OPCML: variants seen among roughly 807,000 people sequenced by gnomAD.
The protein encoded by OPCML is opioid binding protein/cell adhesion molecule like, also known as opioid-binding protein/cell adhesion molecule.
Under a neutral mutation model 37.8 loss-of-function variants are expected in OPCML, and 13 were observed. That is an observed-to-expected ratio of 0.34 (90% CI 0.22 to 0.55). The LOEUF is 0.55. OPCML is among the 20% of genes least tolerant of loss of function. The pLI, the probability that OPCML is intolerant of heterozygous loss-of-function variation, is 0.91. For missense variants in OPCML, 341 were observed against 435.6 expected, an observed-to-expected ratio of 0.78 and a Z score of 1.93; for synonymous variants, 176 against 168.8, an observed-to-expected ratio of 1.04 and a Z score of -0.33.
chr11:133,165,236 A>C (rs774173131), intron 1 of OPCML, among the ~76,000 whole-genome samples: 1 of 152,266 alleles, frequency 6.6e-6, no homozygotes, highest in East Asian at 1.9e-4. Flanking sequence ...CTCCAGTCGC[A>C]CTGGGACGAG....
At chr11:133,234,522 G>T (rs983456746) in intron 1 of OPCML, among the ~76,000 whole-genome samples, 7 of 152,250 alleles carry the variant, frequency 4.6e-5, no homozygotes, top group African/African-American at 1.7e-4. Flanking sequence ...GACTTTTCTT[G>T]GAAAGGCCTA....
At chr11:133,531,760 A>AGG (rs1555171047) in intron 1 of OPCML, among the ~76,000 whole-genome samples, 2 of 150,594 alleles carry the variant, frequency 1.3e-5, no homozygotes, top group Non-Finnish European at 3.0e-5. Flanking sequence ...AGAGAGAGAG[A>AGG]GAGAGAGAGA....
intron 4 of OPCML, among the ~76,000 whole-genome samples, chr11:132,441,900 C>G (rs947361494): frequency 2.0e-5 from 3 of 152,188 alleles, no homozygotes; most frequent in African/African-American, 7.2e-5. Flanking sequence ...TAGGGACACA[C>G]ATTCCAACAG....
chr11:133,090,357 C>T (rs1948887105), intron 1 of OPCML, among the ~76,000 whole-genome samples: 1 of 152,194 alleles, frequency 6.6e-6, no homozygotes, highest in African/African-American at 2.4e-5. Context: ...GGAAAAAACC[C>T]TAGATGGGTA....
At chr11:132,574,409 T>A (rs1374437799) in intron 3 of OPCML, among the ~76,000 whole-genome samples, 2 of 151,800 alleles carry the variant, frequency 1.3e-5, no homozygotes, top group East Asian at 1.9e-4. Context: ...TGAACTTTCC[T>A]CTTAGTATTA....
intron 1 of OPCML, among the ~76,000 whole-genome samples, chr11:133,473,612 C>T (rs185217537): frequency 1.3e-5 from 2 of 152,186 alleles, no homozygotes; most frequent in East Asian, 1.9e-4. Context: ...AGAGGGGAGC[C>T]GTCTTGAGAT....
chr11:132,907,928 C>A (rs938270079), intron 2 of OPCML, among the ~76,000 whole-genome samples: 4 of 151,978 alleles, frequency 2.6e-5, no homozygotes, highest in African/African-American at 9.7e-5. Context: ...ATCTGCTGAC[C>A]CATGGTAGGT....
intron 2 of OPCML, among the ~76,000 whole-genome samples, chr11:132,659,954 A>G (rs1941887111): frequency 6.6e-6 from 1 of 152,226 alleles, no homozygotes; most frequent in Non-Finnish European, 1.5e-5. Flanking sequence ...AAAAATATAC[A>G]GAGATTGAAA....
In OPCML at chr11:132,508,372, C is replaced by A. The variant is rs531166862; in HGVS notation, c.505+20689G>T. ...AAAGGATAGTATGAGTATGTCATGA[C>A]CACACCAGATTTATTCTTGGTTGCA... On this transcript the variant is annotated intron_variant, in intron 4 of 7. Coordinates refer to ENST00000524381, the MANE Select transcript of OPCML (RefSeq NM_001012393.5). Among the ~76,000 whole-genome samples, 37 of 152,210 alleles carry A rather than the reference C, an allele frequency of 2.4e-4. 1 individual carries two copies. The South Asian group carries it at 7.5e-3, about 31-fold the overall frequency.
At chr11:132,581,317 A>G (rs1479575261) in intron 3 of OPCML, among the ~76,000 whole-genome samples, 1 of 152,192 alleles carries the variant, frequency 6.6e-6, no homozygotes, top group East Asian at 1.9e-4. Flanking sequence ...CAAATCAACC[A>G]CATCCTGTCC....
rs79892660 is a variant in OPCML at position 133,006,297 on chromosome 11, C to T, written c.62-63287G>A. 1,718 of 518,866 alleles carry T rather than the reference C, an allele frequency of 3.3e-3. 38 individuals are homozygous for T. The African/African-American group carries it at 0.034, about 10-fold the overall frequency. The allele number at this position is 518,866 out of a possible 1,614,324, so 32.1% of individuals were successfully genotyped here. A position where few individuals can be genotyped will look rare whatever the true frequency, so the allele number is the denominator to read the frequency against. ...GACTCTGGCCTGGTGAGAGAGATTC[C>T]CTGTTTCCCTTTTTCTTCCTTTTCA... On this transcript the variant is annotated intron_variant, in intron 1 of 7. Coordinates refer to ENST00000524381, the MANE Select transcript of OPCML (RefSeq NM_001012393.5).
chr11:132,506,877 C>T (rs544978832), intron 4 of OPCML, among the ~76,000 whole-genome samples: 38 of 151,540 alleles, frequency 2.5e-4, no homozygotes, highest in Non-Finnish European at 1.8e-4. Flanking sequence ...AGTTTTAATA[C>T]CTGCAAGTGG....
chr11:133,034,892 G>A (rs1467751041), intron 1 of OPCML, among the ~76,000 whole-genome samples: 4 of 147,610 alleles, frequency 2.7e-5, no homozygotes, highest in African/African-American at 4.9e-5. Flanking sequence ...CTCTAATAGC[G>A]CTGGTTCGCA....
intron 4 of OPCML, among the ~76,000 whole-genome samples, chr11:132,521,654 G>T (rs1039622760): frequency 6.6e-6 from 1 of 152,068 alleles, no homozygotes; most frequent in African/African-American, 2.4e-5. Context: ...AATACCTAAT[G>T]CATGCTGGGC....
chr11:133,420,714 G>T (rs1416930196), intron 1 of OPCML: 1 of 985,376 alleles, frequency 1.0e-6, no homozygotes, highest in East Asian at 1.1e-4. Flanking sequence ...TTGTCCAGTG[G>T]CATGTCAAGG....
chr11:133,204,780 T>TTA (rs1235526349), intron 1 of OPCML, among the ~76,000 whole-genome samples: 5 of 150,652 alleles, frequency 3.3e-5, no homozygotes, highest in African/African-American at 1.2e-4. Context: ...GAAAATCAGT[T>TTA]TATCAGTTGA....
chr11:133,347,467 G>T (rs1030802259), intron 1 of OPCML, among the ~76,000 whole-genome samples: 1 of 152,220 alleles, frequency 6.6e-6, no homozygotes, highest in African/African-American at 2.4e-5. Context: ...CAGTAGGCTT[G>T]TAACAAAAGC....
chr11:133,006,185 G>A (rs76423250), intron 1 of OPCML: 24,382 of 903,780 alleles, frequency 0.027, 337 homozygotes, highest in Middle Eastern at 0.05. Context: ...GGAAGTTCGC[G>A]CCATCTGTAG....
chr11:132,436,989 C>A, intron 5 of OPCML: 1 of 905,182 alleles, frequency 1.1e-6, no homozygotes, highest in Non-Finnish European at 1.3e-6. Flanking sequence ...TTTCAGGCCT[C>A]CAAACCCATT....
Sources: allele counts gnomAD v4.1 joint callset (sites outside exome capture counted in the v4.1 genomes callset), GRCh38; gene constraint gnomAD v4.1.1; transcripts MANE v1.5; gene names NCBI Gene and HGNC (gene_info 2026-07-23, HGNC 2026-07-21).